Variants in CLCN1 observed in about 807,000 individuals in gnomAD.
CLCN1 encodes chloride voltage-gated channel 1.
CLCN1 carries 100 observed loss-of-function variants against 114.5 expected under a neutral mutation model. That is an observed-to-expected ratio of 0.87 (90% CI 0.74 to 1.03). The LOEUF is 1.03. CLCN1 is among the 50% of genes least tolerant of loss of function. The pLI is 0.00. For missense variants in CLCN1, 1,188 were observed against 1,250.0 expected (o/e 0.95, Z 0.75); for synonymous variants, 485 against 487.1 (o/e 1.00, Z 0.06).
In CLCN1 at chr7:143,347,454, C is replaced by T. The variant is rs534383519; in HGVS notation, c.2403+505C>T. Reference sequence around the variant, plus strand: ...TGGCCAACGTGGTGAAACTCCATTTCTACTAAAAATACAAAAATAAGCCGG... The same window carrying T: ...TGGCCAACGTGGTGAAACTCCATTTTTACTAAAAATACAAAAATAAGCCGG... On this transcript the variant is annotated intron_variant, in intron 20 of 22. Coordinates refer to ENST00000343257, the MANE Select transcript of CLCN1 (RefSeq NM_000083.3). 2.0e-5 allele frequency among the ~76,000 whole-genome samples: 3 copies of T among 151,440 alleles called. No individual in the cohort carries two copies. In the East Asian group the frequency reaches 5.9e-4, roughly 30 times the overall value.
chr7:143,341,396 TA>T (rs1427434377), intron 14 of CLCN1, among the ~76,000 whole-genome samples: 3 of 151,820 alleles, frequency 2.0e-5, no homozygotes, highest in African/African-American at 7.3e-5. Flanking sequence ...CTGTTTCTAC[TA>T]AAAATACAAA....
intron 7 of CLCN1, among the ~76,000 whole-genome samples, chr7:143,329,540 T>C (rs1802667100): frequency 6.6e-6 from 1 of 152,128 alleles, no homozygotes. Flanking sequence ...ACTAGTCGAC[T>C]GTCACCTGTA....
chr7:143,330,083 T>G (rs1370853873), intron 7 of CLCN1, among the ~76,000 whole-genome samples: 1 of 152,200 alleles, frequency 6.6e-6, no homozygotes, highest in African/African-American at 2.4e-5. Context: ...AGCATGATTG[T>G]TTTTCTCTTC....
In CLCN1 at chr7:143,321,516, G is replaced by T. The variant is rs367629551; in HGVS notation, c.562+23G>T. 2.5e-6 allele frequency: 4 copies of T among 1,613,772 alleles called. No homozygotes were observed. In the South Asian group the frequency reaches 4.4e-5, roughly 18 times the overall value. On this transcript the variant is annotated intron_variant, in intron 4 of 22. Transcript: ENST00000343257. The surrounding 1 kb of genome is among the most constrained non-coding windows in gnomAD (Gnocchi z 4.2). ...TTGGTGAGAACTTGCCACCAGACTC[G>T]GCCTGAGCTGGGTGGCCTGAGAGGG...
At position 143,346,021 on chromosome 7, in the gene CLCN1, T is replaced by G; in HGVS notation, c.2173-119T>G. On this transcript the variant is annotated intron_variant, in intron 17 of 22. Transcript: ENST00000343257. ...TCGACAATTCAAAGGGATATAGGAA[T>G]TTCTGAACTGGGGGGAAGAATAGAG... The G allele has an allele frequency of 3.6e-6, 3 of 842,020 alleles. No individual in the cohort carries two copies. In the South Asian group the frequency reaches 4.2e-5, roughly 12 times the overall value. 52.2% of individuals were successfully genotyped at this position (842,020 alleles called of 1,614,324 possible). A position where few individuals can be genotyped will look rare whatever the true frequency, so the allele number is the denominator to read the frequency against.
intron 20 of CLCN1, among the ~76,000 whole-genome samples, chr7:143,348,374 T>A (rs1803311311): frequency 6.6e-6 from 1 of 152,212 alleles, no homozygotes; most frequent in Non-Finnish European, 1.5e-5. Flanking sequence ...TTCTTTTTTT[T>A]AATTTAATGC....
chr7:143,337,131 T>A (rs529597781), intron 12 of CLCN1, among the ~76,000 whole-genome samples: 2 of 152,292 alleles, frequency 1.3e-5, no homozygotes, highest in African/African-American at 4.8e-5. Flanking sequence ...TGGATGAGCA[T>A]TACTCTTTAG....
chr7:143,320,559 C>T, intron 2 of CLCN1, 105 bp from the exon 3 acceptor site: 2 of 610,368 alleles, frequency 3.3e-6, no homozygotes, highest in Non-Finnish European at 5.4e-6. Flanking sequence ...GCTTTTCTCT[C>T]TCTCTCTCTC....
chr7:143,327,687 C>T (rs542913923), intron 7 of CLCN1, among the ~76,000 whole-genome samples: 45 of 152,242 alleles, frequency 3.0e-4, no homozygotes, highest in Admixed American at 5.2e-4. Flanking sequence ...GAGGGCCTTG[C>T]TCTGTGGCCC....
At chr7:143,325,661 AAAT>A (rs1264606490) in intron 7 of CLCN1, among the ~76,000 whole-genome samples, 2 of 152,228 alleles carry the variant, frequency 1.3e-5, no homozygotes, top group African/African-American at 4.8e-5. Context: ...CAGGAGGTTT[AAAT>A]AATATTTTTA....
At chr7:143,340,871 A>G (rs745421780) in intron 14 of CLCN1, among the ~76,000 whole-genome samples, 4 of 152,132 alleles carry the variant, frequency 2.6e-5, no homozygotes, top group Non-Finnish European at 5.9e-5. Context: ...GCCTTCCTCT[A>G]CATTTTCCCC....
chr7:143,345,797 G>A lies in CLCN1; in HGVS notation c.2172+35G>A, dbSNP rs536111397. The A allele has an allele frequency of 6.5e-5, 104 of 1,590,224 alleles. No individual in the cohort carries two copies. In the African/African-American group the frequency reaches 7.0e-4, roughly 11 times the overall value. On this transcript the variant is annotated intron_variant, in intron 17 of 22. Transcript: ENST00000343257. ...CCGGGAAGGGCTAGGGAGTGGGATA[G>A]ATCAGGAGCAAAGGGAAAAGCGTCG...
At chr7:143,325,425 G>A (rs1420608810) in intron 7 of CLCN1, among the ~76,000 whole-genome samples, 3 of 152,220 alleles carry the variant, frequency 2.0e-5, no homozygotes, top group African/African-American at 7.2e-5. Flanking sequence ...GCAAATGCAT[G>A]ATCTAACTTA....
rs1802746199 is a variant in CLCN1 at position 143,332,287 on chromosome 7, G to T, written c.1167-132G>T. 9.8e-6 allele frequency: 8 copies of T among 812,622 alleles called. No homozygotes were observed. In the South Asian group the frequency reaches 1.1e-4, roughly 11 times the overall value. The allele number at this position is 812,622 out of a possible 1,614,324, so 50.3% of individuals were successfully genotyped here. A position where few individuals can be genotyped will look rare whatever the true frequency, so the allele number is the denominator to read the frequency against. On this transcript the variant is annotated intron_variant, in intron 10 of 22. Transcript: ENST00000343257. Reference sequence around the variant, plus strand: ...TCGGCCTCAAATATTGGTTTTTTGTGTGAAGAGAATCTTTTTCATTTAAAG... The same window carrying T: ...TCGGCCTCAAATATTGGTTTTTTGTTTGAAGAGAATCTTTTTCATTTAAAG...
At position 143,351,585 on chromosome 7, in the gene CLCN1, G is replaced by T. The variant is rs200308662; in HGVS notation, c.2596-9G>T. 41 of 1,613,412 alleles carry T rather than the reference G, an allele frequency of 2.5e-5. No individual in the cohort carries two copies. In the African/African-American group the frequency reaches 5.3e-4, roughly 21 times the overall value. ...TTTTACCCTCTTTTCCTTTCCCACT[G>T]CTCTTCAGCTACAGAAGGCCATTGA... On this transcript the variant is annotated splice_polypyrimidine_tract_variant and intron_variant, in intron 22 of 22. Coordinates refer to ENST00000343257, the MANE Select transcript of CLCN1 (RefSeq NM_000083.3).
At position 143,343,151 on chromosome 7, in the gene CLCN1, T is replaced by G. The variant is rs112982419; in HGVS notation, c.1930+646T>G. Among the ~76,000 whole-genome samples the G allele has an allele frequency of 3.7e-3, 559 of 152,348 alleles. 3 individuals are homozygous for G. The highest frequency in any genetic ancestry group is 5.2e-3 in the Non-Finnish European group (356 of 68,032). ...TAAAGACACCTTATTTCACAGATAT[T>G]GTGGATTAATTAATATTGAACTTGT... On this transcript the variant is annotated intron_variant, in intron 16 of 22. Transcript: ENST00000343257.
chr7:143,316,505 A>G, intron 1 of CLCN1, 113 bp downstream of exon 1: 6 of 1,005,188 alleles, frequency 6.0e-6, no homozygotes, highest in Non-Finnish European at 8.9e-6. Context: ...CATTTTTTTA[A>G]CTTAAAAAAC....
At chr7:143,325,981 G>A (rs74686986) in intron 7 of CLCN1, among the ~76,000 whole-genome samples, 3,266 of 152,158 alleles carry the variant, frequency 0.021, 117 homozygotes, top group African/African-American at 0.074. Context: ...AATGACAAAG[G>A]TATTTGCAGG....
chr7:143,346,230 C>T lies in CLCN1; in HGVS notation c.2263C>T (p.Pro755Ser). 1.2e-6 allele frequency: 2 copies of T among 1,612,404 alleles called. No homozygotes were observed. The highest frequency in any genetic ancestry group is 1.7e-6 in the Non-Finnish European group (2 of 1,178,622). Residue 755 changes from proline to serine, a missense_variant, in exon 18 of 23, where the codon CCG becomes TCG. Transcript: ENST00000343257. ...GCCTCTGCCTGGCCACAAACAGCAG[C>T]CGGAAGCACCAGAGCCTGCAGGTGA... Reference protein sequence around the residue: ...NGPLPGHKQQPEAPEPAGQRP... With the variant: ...NGPLPGHKQQSEAPEPAGQRP...
Sources: gnomAD v4.1 joint callset for allele counts (sites outside exome capture counted in the v4.1 genomes callset) on GRCh38, gnomAD v4.1.1 for gene constraint, Gnocchi (gnomAD v3.1) non-coding constraint, MANE v1.5 for transcripts, NCBI Gene and HGNC (gene_info 2026-07-23, HGNC 2026-07-21) for gene names.